Variants in PDE3A observed in about 807,000 individuals in gnomAD.
PDE3A encodes the protein cGMP-inhibited 3',5'-cyclic phosphodiesterase 3A.
A neutral mutation model predicts 98.3 loss-of-function variants in PDE3A; 43 were observed. The ratio of observed to expected loss-of-function variants is 0.44; its 90% CI spans 0.34 to 0.56. The LOEUF is 0.56. Among genes scored for constraint, PDE3A ranks in the 20% least tolerant of loss-of-function variants. The pLI is 0.01. For synonymous variants in PDE3A, 663 were observed against 567.9 expected, an observed-to-expected ratio of 1.17 and a Z score of -2.38; for missense variants, 1,427 against 1,440.7, an observed-to-expected ratio of 0.99 and a Z score of 0.15.
At chr12:20,555,086 C>T (rs1221808017) in intron 1 of PDE3A, among the ~76,000 whole-genome samples, 8 of 151,892 alleles carry the variant, frequency 5.3e-5, no homozygotes, top group Admixed American at 6.6e-5. Context: ...CAGTGGCGTG[C>T]GATCTTGGGT....
chr12:20,406,237 G>A (rs1369347591), intron 1 of PDE3A, among the ~76,000 whole-genome samples: 1 of 152,064 alleles, frequency 6.6e-6, no homozygotes, highest in Non-Finnish European at 1.5e-5. Flanking sequence ...TATTTCCTTT[G>A]CATGTATACC....
intron 1 of PDE3A, among the ~76,000 whole-genome samples, chr12:20,411,805 C>T (rs1298767990): frequency 6.6e-6 from 1 of 152,114 alleles, no homozygotes. Context: ...CTAATGTCCC[C>T]GACGTAGTCT....
At chr12:20,458,098 A>G (rs1431680752) in intron 1 of PDE3A, among the ~76,000 whole-genome samples, 1 of 151,128 alleles carries the variant, frequency 6.6e-6, no homozygotes, top group Non-Finnish European at 1.5e-5. Flanking sequence ...ATCATTTTGT[A>G]TATGTTCATC....
chr12:20,648,592 A>G (rs1273928723), intron 12 of PDE3A, 96 bp from the exon 13 acceptor site: 1 of 781,372 alleles, frequency 1.3e-6, no homozygotes, highest in African/African-American at 1.7e-5. Flanking sequence ...TCTTTGTTGT[A>G]TGAATAAAAA....
chr12:20,674,156 A>G (rs1164868139), intron 15 of PDE3A, among the ~76,000 whole-genome samples: 1 of 152,038 alleles, frequency 6.6e-6, no homozygotes, highest in Non-Finnish European at 1.5e-5. Context: ...ATTTTTTTGT[A>G]TATTGATTTT....
chr12:20,377,202 A>G (rs1565529557), intron 1 of PDE3A, among the ~76,000 whole-genome samples: 2 of 151,786 alleles, frequency 1.3e-5, no homozygotes, highest in Admixed American at 6.6e-5. Flanking sequence ...AGTGGCTTTG[A>G]TGAAAACAGT....
At chr12:20,495,090 A>G (rs1045199533) in intron 1 of PDE3A, among the ~76,000 whole-genome samples, 2 of 152,168 alleles carry the variant, frequency 1.3e-5, no homozygotes, top group Non-Finnish European at 2.9e-5. Context: ...GACAGTGGAC[A>G]AGAGAATGTT....
At chr12:20,554,847 A>G (rs1371194891) in intron 1 of PDE3A, among the ~76,000 whole-genome samples, 1 of 152,212 alleles carries the variant, frequency 6.6e-6, no homozygotes, top group Admixed American at 6.5e-5. Context: ...CATCAAATAC[A>G]AAATATTTTT....
At chr12:20,377,161 G>A (rs1043263842) in intron 1 of PDE3A, among the ~76,000 whole-genome samples, 4 of 151,672 alleles carry the variant, frequency 2.6e-5, no homozygotes, top group Admixed American at 2.6e-4. Context: ...TGCTTTGGTT[G>A]TATCAATTTA....
intron 1 of PDE3A, among the ~76,000 whole-genome samples, chr12:20,542,287 A>G (rs1239097582): frequency 6.6e-6 from 1 of 152,086 alleles, no homozygotes; most frequent in Non-Finnish European, 1.5e-5. Context: ...TAAGACTTAA[A>G]AATGAATTCA....
intron 1 of PDE3A, among the ~76,000 whole-genome samples, chr12:20,512,756 G>T (rs528218984): frequency 3.9e-5 from 6 of 152,092 alleles, no homozygotes; most frequent in Non-Finnish European, 8.8e-5. Context: ...ACTTCGTTAC[G>T]TTAGATAGTG....
intron 1 of PDE3A, among the ~76,000 whole-genome samples, chr12:20,523,561 C>T (rs1056095317): frequency 6.6e-6 from 1 of 152,070 alleles, no homozygotes; most frequent in Non-Finnish European, 1.5e-5. Flanking sequence ...TGACAGTTGT[C>T]TTATTTATTA....
At chr12:20,492,140 C>G (rs545561041) in intron 1 of PDE3A, among the ~76,000 whole-genome samples, 3 of 152,190 alleles carry the variant, frequency 2.0e-5, no homozygotes, top group East Asian at 3.9e-4. Context: ...ATCACCACGT[C>G]CAGCCAATTC....
intron 1 of PDE3A, among the ~76,000 whole-genome samples, chr12:20,394,858 G>T (rs1008817451): frequency 3.7e-4 from 57 of 152,138 alleles, no homozygotes; most frequent in African/African-American, 1.2e-3. Context: ...GCTAGGTAAA[G>T]TTCAGGAGTG....
intron 1 of PDE3A, among the ~76,000 whole-genome samples, chr12:20,462,324 C>T (rs1368090796): frequency 1.3e-5 from 2 of 152,130 alleles, no homozygotes; most frequent in East Asian, 3.9e-4. Flanking sequence ...AACTGTGCCT[C>T]TACTAAAAAT....
At chr12:20,400,379 GTTTTTTTTTTTTTTTTTTTTTTTTTT>G (rs75851941) in intron 1 of PDE3A, among the ~76,000 whole-genome samples, 12 of 110,292 alleles carry the variant, frequency 1.1e-4, no homozygotes, top group African/African-American at 3.7e-4. Flanking sequence ...GTTAACATTG[GTTTTTTTTTTTTTTTTTTTTTTTTTT>G]TTTTTTTTTT....
chr12:20,566,994 T>A (rs758689850), intron 2 of PDE3A, among the ~76,000 whole-genome samples: 2 of 151,908 alleles, frequency 1.3e-5, no homozygotes, highest in Non-Finnish European at 2.9e-5. Context: ...TTGCATGAGT[T>A]TTTAAAGAGT....
In PDE3A at chr12:20,386,215, ATATATAAAAAATAAAAAT is replaced by A. The variant is rs1259550681; in HGVS notation, c.960+15972_960+15989del. Among the ~76,000 whole-genome samples, 121 of 48,894 alleles carry A rather than the reference ATATATAAAAAATAAAAAT, an allele frequency of 2.5e-3. 1 individual carries two copies. The highest frequency in any genetic ancestry group is 0.018 in the Admixed American group (50 of 2,776). 32.1% of individuals were successfully genotyped at this position (48,894 alleles called of 152,430 possible). ...TATAAATATATAAAAATATATATAAATATATAAAAAATAAAAATATAAATATAAATATATTAATTATAT... is the reference window on the plus strand; with the variant it reads ...TATAAATATATAAAAATATATATAAAATAAATATAAATATATTAATTATAT... On this transcript the variant is annotated intron_variant, in intron 1 of 15. Transcript: ENST00000359062.
At position 20,613,475 on chromosome 12, in the gene PDE3A, C is replaced by T. The variant is rs779242729; in HGVS notation, c.1044C>T (p.Ala348=). Residue 348 remains alanine, a synonymous_variant, in exon 3 of 16, where the codon GCC becomes GCT. Transcript: ENST00000359062. The part of the protein sequence containing the change: ...SSGTSITVDI[A]VMGEAHGLIT... ...GAACCAGTATTACTGTGGACATCGC[C>T]GTCATGGGCGAGGCCCACGGCCTCA... The T allele has an allele frequency of 3.5e-5, 57 of 1,613,936 alleles. No homozygotes were observed. Among genetic ancestry groups the T allele is most frequent in the Middle Eastern group, 1.6e-4 (1 of 6,080 alleles).
Sources: gnomAD v4.1 joint callset for allele counts (sites outside exome capture counted in the v4.1 genomes callset) on GRCh38, gnomAD v4.1.1 for gene constraint, MANE v1.5 for transcripts, NCBI Gene and HGNC (gene_info 2026-07-23, HGNC 2026-07-21) for gene names.